Variants in ADAMTS17 observed in about 807,000 individuals in gnomAD.
ADAMTS17 encodes A disintegrin and metalloproteinase with thrombospondin motifs 17.
In ADAMTS17, 113 loss-of-function variants were observed where a neutral mutation model predicts 141.5. That is an observed-to-expected ratio of 0.80 (90% CI 0.69 to 0.93). ADAMTS17 has a LOEUF of 0.93. ADAMTS17 is among the 40% of genes least tolerant of loss of function. ADAMTS17 has a pLI of 0.00. For synonymous variants in ADAMTS17, 768 were observed against 630.6 expected (o/e 1.22, Z -3.27); for missense variants, 1,659 against 1,517.9 (o/e 1.09, Z -1.54).
chr15:100,257,013 C>T (rs1157107494), intron 6 of ADAMTS17: 1 of 152,394 alleles, frequency 6.6e-6, no homozygotes, highest in East Asian at 1.9e-4. Context: ...CCATGGCAGC[C>T]ACCTAGCCAC....
At chr15:100,027,553 A>C (rs1347276437) in intron 18 of ADAMTS17, among the ~76,000 whole-genome samples, 1 of 152,262 alleles carries the variant, frequency 6.6e-6, no homozygotes, top group East Asian at 1.9e-4. Flanking sequence ...ATTAGAATAC[A>C]GCCCTGTCTA....
intron 12 of ADAMTS17, among the ~76,000 whole-genome samples, chr15:100,119,132 C>G (rs560231993): frequency 6.6e-6 from 1 of 151,712 alleles, no homozygotes; most frequent in African/African-American, 2.4e-5. Flanking sequence ...GAGAGAGAGG[C>G]CTGGAACAGA....
At chr15:99,982,348 C>T (rs1283453622) in intron 20 of ADAMTS17, among the ~76,000 whole-genome samples, 1 of 152,200 alleles carries the variant, frequency 6.6e-6, no homozygotes, top group Admixed American at 6.5e-5. Flanking sequence ...GTGCACACAG[C>T]CCTGTCTGCC....
intron 18 of ADAMTS17, among the ~76,000 whole-genome samples, chr15:100,035,091 A>G (rs2141504087): frequency 6.6e-6 from 1 of 152,302 alleles, no homozygotes; most frequent in Middle Eastern, 3.4e-3. Context: ...AACATTTGTA[A>G]AAAGGCAACC....
intron 14 of ADAMTS17, among the ~76,000 whole-genome samples, chr15:100,106,150 CCAT>C (rs1429715899): frequency 6.6e-6 from 1 of 152,202 alleles, no homozygotes; most frequent in Non-Finnish European, 1.5e-5. Context: ...GCCTCCACCA[CCAT>C]GCCTGGATAC....
rs751511098 is a variant in ADAMTS17 at position 100,133,195 on chromosome 15, G to A, written c.1575+19C>T. The A allele has an allele frequency of 5.7e-6, 9 of 1,568,754 alleles. No homozygotes were observed. Among genetic ancestry groups the A allele is most frequent in the African/African-American group, 2.7e-5 (2 of 74,152 alleles). On this transcript the variant is annotated intron_variant, in intron 11 of 21. Transcript: ENST00000268070. The stretch of plus-strand genomic sequence containing the variant: ...GATGTGGAGCTGCCTGTTGGGGGCA[G>A]TGGGAAGTCAGAGGTTACCTTGTCT...
chr15:100,181,033 A>C (rs1208312300), intron 8 of ADAMTS17, among the ~76,000 whole-genome samples: 1 of 152,102 alleles, frequency 6.6e-6, no homozygotes, highest in Non-Finnish European at 1.5e-5. Context: ...ACTAGAGACA[A>C]AGTCCTGCCC....
In ADAMTS17 at chr15:100,322,043, T is replaced by G. The variant is rs1596520950; in HGVS notation, c.616+8846A>C. Among the ~76,000 whole-genome samples the G allele has an allele frequency of 2.6e-5, 4 of 151,826 alleles. No homozygotes were observed. The South Asian group carries it at 8.4e-4, about 32-fold the overall frequency. On this transcript the variant is annotated intron_variant, in intron 3 of 21. Coordinates refer to ENST00000268070, the MANE Select transcript of ADAMTS17 (RefSeq NM_139057.4). Reference sequence around the variant, plus strand: ...GCTCAAAAGCTTCTAATAAACCTAATCCTCCTACAGATAGCAACTGTAAAC... The same window carrying G: ...GCTCAAAAGCTTCTAATAAACCTAAGCCTCCTACAGATAGCAACTGTAAAC...
At chr15:100,214,889 T>A (rs185102353) in intron 7 of ADAMTS17, among the ~76,000 whole-genome samples, 1 of 152,392 alleles carries the variant, frequency 6.6e-6, no homozygotes, top group East Asian at 1.9e-4. Context: ...AAAGCTTTGC[T>A]GTTGCACTGT....
intron 9 of ADAMTS17, among the ~76,000 whole-genome samples, chr15:100,153,245 G>A (rs2039272375): frequency 6.6e-6 from 1 of 152,096 alleles, no homozygotes; most frequent in African/African-American, 2.4e-5. Flanking sequence ...TGTCTCACTT[G>A]ACCACGCTAT....
chr15:100,180,263 T>C (rs537480627), intron 8 of ADAMTS17, among the ~76,000 whole-genome samples: 1 of 152,334 alleles, frequency 6.6e-6, no homozygotes, highest in Admixed American at 6.5e-5. Context: ...GCCCCACTTA[T>C]TGAGGAGACT....
At chr15:100,323,152 AT>A (rs2045786493) in intron 3 of ADAMTS17, among the ~76,000 whole-genome samples, 1 of 151,258 alleles carries the variant, frequency 6.6e-6, no homozygotes, top group African/African-American at 2.5e-5. Context: ...ATATGAAAAA[AT>A]AAAAATTCAA....
chr15:100,152,735 G>C lies in ADAMTS17; in HGVS notation c.1350C>G (p.Val450=). 6.2e-7 allele frequency: 1 copy of C among 1,614,226 alleles called. No individual in the cohort carries two copies. The highest frequency in any genetic ancestry group is 2.2e-5 in the East Asian group (1 of 44,880). Residue 450 remains valine (V), a synonymous_variant, in exon 10 of 22, where the codon GTC becomes GTG. Coordinates refer to ENST00000268070, the MANE Select transcript of ADAMTS17 (RefSeq NM_139057.4). ...CTGTGTGCTGGCTTCTGGGGTCCGT[G>C]ACTAGCAAGCAGGTGCTGACTTTTG... ...LKSKVSTCLL[V]TDPRSQHTVR...
At chr15:100,098,742 G>A (rs1045590483) in intron 14 of ADAMTS17, among the ~76,000 whole-genome samples, 54 of 152,192 alleles carry the variant, frequency 3.5e-4, no homozygotes, top group Non-Finnish European at 3.8e-4. Context: ...TTTAGCAAAC[G>A]CCGAGACCAA....
intron 13 of ADAMTS17, among the ~76,000 whole-genome samples, chr15:100,111,539 T>G (rs1223454231): frequency 6.6e-6 from 1 of 152,174 alleles, no homozygotes; most frequent in Non-Finnish European, 1.5e-5. Flanking sequence ...GTGGGAGAAA[T>G]ACAGCAACAC....
At chr15:100,158,421 G>T (rs1169900127) in intron 8 of ADAMTS17, among the ~76,000 whole-genome samples, 1 of 152,020 alleles carries the variant, frequency 6.6e-6, no homozygotes, top group Non-Finnish European at 1.5e-5. Flanking sequence ...TTTTTTTGAG[G>T]TTCATTTTCT....
At chr15:100,335,838 C>T (rs1261082946) in intron 2 of ADAMTS17, among the ~76,000 whole-genome samples, 1 of 150,376 alleles carries the variant, frequency 6.6e-6, no homozygotes, top group Non-Finnish European at 1.5e-5. Flanking sequence ...CTCAAGATCA[C>T]AGCTCCAAAT....
intron 3 of ADAMTS17, among the ~76,000 whole-genome samples, chr15:100,327,777 C>T (rs572535631): frequency 6.6e-6 from 1 of 152,134 alleles, no homozygotes; most frequent in Non-Finnish European, 1.5e-5. Context: ...TTTATCAGGC[C>T]CCCAAAATAA....
intron 10 of ADAMTS17, 131 bp from the exon 11 acceptor site, chr15:100,133,446 A>G (rs562145264): frequency 1.7e-5 from 14 of 804,062 alleles, no homozygotes; most frequent in Non-Finnish European, 2.7e-5. Flanking sequence ...CCAGAGGGTC[A>G]TAAGTCTGTA....
Sources: allele counts gnomAD v4.1 joint callset (sites outside exome capture counted in the v4.1 genomes callset), GRCh38; gene constraint gnomAD v4.1.1; transcripts MANE v1.5; gene names NCBI Gene and HGNC (gene_info 2026-07-23, HGNC 2026-07-21).